The following ESRRG variants were observed in gnomAD, a reference collection of about 807,000 sequenced individuals.
The protein encoded by ESRRG is estrogen related receptor gamma.
ESRRG carries 13 observed loss-of-function variants against 44.0 expected under a neutral mutation model. That is an observed-to-expected ratio of 0.30 (90% CI 0.19 to 0.47). ESRRG has a LOEUF of 0.47. Ranked by LOEUF, ESRRG falls within the 20% of genes least tolerant of loss-of-function variation. ESRRG has a pLI of 1.00. For missense variants in ESRRG, 395 were observed against 580.6 expected (o/e 0.68, Z 3.29); for synonymous variants, 215 against 214.6 (o/e 1.00, Z -0.02).
At chr1:216,984,409 T>C (rs777286200) in intron 1 of ESRRG, among the ~76,000 whole-genome samples, 6 of 152,152 alleles carry the variant, frequency 3.9e-5, no homozygotes, top group Non-Finnish European at 8.8e-5. Flanking sequence ...ACAAGCAGAG[T>C]ACATATTTCA....
At chr1:216,652,754 C>T (rs1378598300) in intron 2 of ESRRG, among the ~76,000 whole-genome samples, 1 of 152,114 alleles carries the variant, frequency 6.6e-6, no homozygotes, top group African/African-American at 2.4e-5. Context: ...ATAATCTGAA[C>T]TTTAGATGAA....
At chr1:216,550,878 G>C (rs910533892) in intron 5 of ESRRG, among the ~76,000 whole-genome samples, 6 of 152,112 alleles carry the variant, frequency 3.9e-5, no homozygotes, top group African/African-American at 1.2e-4. Flanking sequence ...CATGCATATA[G>C]AGTTTAAGAA....
chr1:216,593,698 C>A (rs1036314532), intron 3 of ESRRG, among the ~76,000 whole-genome samples: 8 of 152,282 alleles, frequency 5.3e-5, no homozygotes, highest in Middle Eastern at 6.8e-3. Flanking sequence ...AGAACGGATT[C>A]CCAGTGAATA....
At chr1:217,088,885 G>T (rs1056953549) in intron 1 of ESRRG, among the ~76,000 whole-genome samples, 1 of 152,060 alleles carries the variant, frequency 6.6e-6, no homozygotes, top group Non-Finnish European at 1.5e-5. Context: ...GGTAGAAGGA[G>T]GTAGATGGTT....
intron 1 of ESRRG, among the ~76,000 whole-genome samples, chr1:216,983,623 A>ATTG (rs71303010): frequency 0.19 from 29,368 of 151,538 alleles, 3,181 homozygotes; most frequent in Admixed American, 0.3. Flanking sequence ...TTTTGTTGAT[A>ATTG]TTGTTGTTAT....
intron 1 of ESRRG, among the ~76,000 whole-genome samples, chr1:216,964,462 T>C (rs1304509364): frequency 6.6e-6 from 1 of 152,172 alleles, no homozygotes; most frequent in African/African-American, 2.4e-5. Flanking sequence ...GCAACTCTGC[T>C]GAGCAAGTCA....
chr1:216,830,213 G>A (rs922473301), intron 2 of ESRRG, among the ~76,000 whole-genome samples: 10 of 152,316 alleles, frequency 6.6e-5, no homozygotes, highest in Admixed American at 5.9e-4. Context: ...AGTGTTTAGA[G>A]CCTCCACATC....
At chr1:216,767,260 G>C (rs1219645907) in intron 2 of ESRRG, among the ~76,000 whole-genome samples, 1 of 151,890 alleles carries the variant, frequency 6.6e-6, no homozygotes, top group Non-Finnish European at 1.5e-5. Flanking sequence ...AGAAAAGAAA[G>C]GACAAAAAAC....
At position 216,546,122 on chromosome 1, in the gene ESRRG, C is replaced by T. The variant is rs548706441; in HGVS notation, c.862+18097G>A. ...TGAGAGCAGGAGGTGGGGGGATTGT[C>T]CTGTGCGAGGTAGGCTATTTAGCGG... On this transcript the variant is annotated intron_variant, in intron 5 of 6. Coordinates refer to ENST00000408911, the MANE Select transcript of ESRRG (RefSeq NM_001438.4). 2.6e-5 allele frequency among the ~76,000 whole-genome samples: 4 copies of T among 152,110 alleles called. No individual in the cohort carries two copies. The South Asian group carries it at 8.3e-4, about 32-fold the overall frequency.
intron 2 of ESRRG, among the ~76,000 whole-genome samples, chr1:216,904,590 T>A (rs563466809): frequency 3.9e-5 from 6 of 152,170 alleles, no homozygotes; most frequent in Admixed American, 6.5e-5. Flanking sequence ...GCTTTACTTA[T>A]CAGAGTAAGC....
chr1:216,693,543 T>C (rs1267857441), intron 1 of ESRRG, among the ~76,000 whole-genome samples: 2 of 152,234 alleles, frequency 1.3e-5, no homozygotes, highest in African/African-American at 2.4e-5. Flanking sequence ...TATAAATTGA[T>C]GTAGTATTTG....
At chr1:216,965,634 A>T (rs1461738101) in intron 1 of ESRRG, among the ~76,000 whole-genome samples, 1 of 152,144 alleles carries the variant, frequency 6.6e-6, no homozygotes, top group Admixed American at 6.5e-5. Flanking sequence ...CCAGTGGCTG[A>T]CTAGTCTATT....
chr1:216,522,554 C>T (rs769336329), intron 5 of ESRRG, among the ~76,000 whole-genome samples: 2 of 151,820 alleles, frequency 1.3e-5, no homozygotes, highest in Admixed American at 6.6e-5. Flanking sequence ...TGCCCAAATG[C>T]CTGAGCAGCA....
At chr1:216,799,042 T>C (rs1016780634) in intron 2 of ESRRG, among the ~76,000 whole-genome samples, 4 of 152,090 alleles carry the variant, frequency 2.6e-5, no homozygotes, top group Admixed American at 2.0e-4. Flanking sequence ...TCTCTAGCCC[T>C]AAATGGTTAA....
intron 3 of ESRRG, among the ~76,000 whole-genome samples, chr1:216,569,259 G>GAAAA (rs2060344850): frequency 2.4e-5 from 2 of 81,724 alleles, no homozygotes; most frequent in Non-Finnish European, 5.1e-5. Flanking sequence ...AAGGAAAGGA[G>GAAAA]GGAGGAAGGA....
intron 1 of ESRRG, among the ~76,000 whole-genome samples, chr1:216,719,720 C>T (rs1042071723): frequency 1.3e-5 from 2 of 151,850 alleles, no homozygotes; most frequent in Middle Eastern, 3.2e-3. Flanking sequence ...GGGGAAAACA[C>T]TAGAAAAATG....
At chr1:217,073,752 AAAC>A (rs1370826226) in intron 1 of ESRRG, among the ~76,000 whole-genome samples, 4 of 152,078 alleles carry the variant, frequency 2.6e-5, no homozygotes, top group Non-Finnish European at 5.9e-5. Flanking sequence ...AGGAGGGAGA[AAAC>A]AAGGAAGAAA....
rs141912672 is a variant in ESRRG at position 216,759,367 on chromosome 1, G to C, written c.-13-81876C>G. 4.0e-4 allele frequency among the ~76,000 whole-genome samples: 61 copies of C among 152,102 alleles called. No individual in the cohort carries two copies. The South Asian group carries it at 6.4e-3, about 16-fold the overall frequency. On this transcript the variant is annotated intron_variant, in intron 2 of 7. Coordinates refer to the ESRRG transcript ENST00000359162. ...CAAGTTCTCTGACTTAGTCTCCCCA[G>C]GTGGAAACTTTCAGGTTCCAGCTAC... is the stretch of plus-strand genomic sequence containing the variant.
chr1:216,820,807 T>C (rs1272538982), intron 2 of ESRRG, among the ~76,000 whole-genome samples: 2 of 152,168 alleles, frequency 1.3e-5, no homozygotes, highest in African/African-American at 2.4e-5. Context: ...GCAGAGAAAG[T>C]AGTAAAAGTT....
Sources: allele counts gnomAD v4.1 joint callset (sites outside exome capture counted in the v4.1 genomes callset), GRCh38; gene constraint gnomAD v4.1.1; transcripts MANE v1.5; gene names NCBI Gene and HGNC (gene_info 2026-07-23, HGNC 2026-07-21).